C1QTNF3: variants seen among roughly 807,000 people sequenced by gnomAD.
The protein encoded by C1QTNF3 is C1q and TNF related 3, also known as complement C1q tumor necrosis factor-related protein 3.
In C1QTNF3, 26 loss-of-function variants were observed where a neutral mutation model predicts 32.6. The ratio of observed to expected loss-of-function variants is 0.80; its 90% confidence interval spans 0.58 to 1.11. C1QTNF3 has a LOEUF of 1.11. Ranked by LOEUF, C1QTNF3 falls within the 50% of genes least tolerant of loss-of-function variation. The pLI is 0.00. For synonymous variants in C1QTNF3, 155 were observed against 146.0 expected, an observed-to-expected ratio of 1.06 and a Z score of -0.44; for missense variants, 362 against 398.2, an observed-to-expected ratio of 0.91 and a Z score of 0.77.
chr5:34,063,797 ACC>A, the C1QTNF3 span, among the ~76,000 whole-genome samples: 1 of 152,126 alleles, frequency 6.6e-6, no homozygotes, highest in African/African-American at 2.4e-5. Flanking sequence ...GAAAATCTGA[ACC>A]ATTAGTACCT....
the C1QTNF3 span, among the ~76,000 whole-genome samples, chr5:34,176,555 T>C: frequency 1.3e-5 from 2 of 152,184 alleles, no homozygotes; most frequent in African/African-American, 4.8e-5. Context: ...TATCTGCTGA[T>C]ACAGTCTTAA....
the C1QTNF3 span, among the ~76,000 whole-genome samples, chr5:34,070,597 A>G: frequency 6.6e-6 from 1 of 152,152 alleles, no homozygotes; most frequent in Non-Finnish European, 1.5e-5. Context: ...AAAAAATTCT[A>G]TATTGTTAAA....
chr5:34,194,910 T>C, the C1QTNF3 span, among the ~76,000 whole-genome samples: 1 of 148,660 alleles, frequency 6.7e-6, no homozygotes, highest in Non-Finnish European at 1.5e-5. Flanking sequence ...TATTGTACTA[T>C]ATTGTGTAAG....
At chr5:34,064,665 G>T in the C1QTNF3 span, among the ~76,000 whole-genome samples, 1 of 152,272 alleles carries the variant, frequency 6.6e-6, no homozygotes, top group African/African-American at 2.4e-5. Context: ...TGGCAGATCT[G>T]GGACGGCGGC....
At chr5:34,087,444 G>A in the C1QTNF3 span, among the ~76,000 whole-genome samples, 2 of 152,030 alleles carry the variant, frequency 1.3e-5, no homozygotes, top group Admixed American at 6.6e-5. Context: ...ATCTAAGATT[G>A]TATGCTCACT....
At chr5:34,218,838 C>T in the C1QTNF3 span, among the ~76,000 whole-genome samples, 1 of 151,934 alleles carries the variant, frequency 6.6e-6, no homozygotes, top group African/African-American at 2.4e-5. Flanking sequence ...GTATACTATG[C>T]TTACATTAAG....
chr5:34,176,468 T>TA, the C1QTNF3 span, among the ~76,000 whole-genome samples: 8 of 151,074 alleles, frequency 5.3e-5, no homozygotes, highest in Admixed American at 1.3e-4. Context: ...AAAGGAGGTT[T>TA]AAAAAAAAAC....
chr5:34,174,843 C>T, the C1QTNF3 span, among the ~76,000 whole-genome samples: 1 of 151,936 alleles, frequency 6.6e-6, no homozygotes, highest in Non-Finnish European at 1.5e-5. Context: ...GGGTTCATGC[C>T]ATTTCCTGCC....
the C1QTNF3 span, among the ~76,000 whole-genome samples, chr5:34,146,093 C>T: frequency 1.1e-4 from 17 of 152,210 alleles, no homozygotes; most frequent in Admixed American, 7.8e-4. Context: ...TTAAGAACTG[C>T]AAGACAAAGG....
chr5:34,043,301 CA>C, upstream of C1QTNF3: 1 of 619,714 alleles, frequency 1.6e-6, no homozygotes, highest in Non-Finnish European at 2.8e-6. Context: ...CCCTCCTCCC[CA>C]GGCAGAACAG....
At chr5:34,100,406 T>C in the C1QTNF3 span, among the ~76,000 whole-genome samples, 1 of 151,134 alleles carries the variant, frequency 6.6e-6, no homozygotes, top group Non-Finnish European at 1.5e-5. Context: ...CTTTAGCAAA[T>C]GGCTTAAAAT....
the C1QTNF3 span, among the ~76,000 whole-genome samples, chr5:34,130,653 C>T: frequency 1.3e-5 from 2 of 152,194 alleles, no homozygotes; most frequent in Non-Finnish European, 2.9e-5. Context: ...TGTTCCTCTC[C>T]ACCAGTTCTG....
chr5:34,031,572 C>A (rs1204949934), intron 3 of C1QTNF3, among the ~76,000 whole-genome samples: 1 of 152,196 alleles, frequency 6.6e-6, no homozygotes, highest in Non-Finnish European at 1.5e-5. Flanking sequence ...GTGGCTCACA[C>A]CTGTAATCCC....
chr5:34,102,188 G>A, the C1QTNF3 span, among the ~76,000 whole-genome samples: 3 of 152,014 alleles, frequency 2.0e-5, no homozygotes, highest in Non-Finnish European at 4.4e-5. Flanking sequence ...CAAAGATAAC[G>A]AATATTACCT....
the C1QTNF3 span, among the ~76,000 whole-genome samples, chr5:34,235,011 A>G: frequency 4.6e-5 from 7 of 152,260 alleles, no homozygotes; most frequent in East Asian, 1.3e-3. Context: ...TTTCCTAGGT[A>G]TAATTCTAAA....
the C1QTNF3 span, among the ~76,000 whole-genome samples, chr5:34,171,556 C>T: frequency 3.3e-5 from 5 of 152,060 alleles, no homozygotes; most frequent in African/African-American, 9.7e-5. Context: ...ACATCTAAAA[C>T]CAATTCAGTC....
the C1QTNF3 span, among the ~76,000 whole-genome samples, chr5:34,214,133 T>C: frequency 6.6e-6 from 1 of 151,772 alleles, no homozygotes; most frequent in Non-Finnish European, 1.5e-5. Context: ...CTTATAGAAA[T>C]ATTTAACTTT....
chr5:34,210,089 G>C, the C1QTNF3 span, among the ~76,000 whole-genome samples: 1 of 152,084 alleles, frequency 6.6e-6, no homozygotes, highest in South Asian at 2.1e-4. Flanking sequence ...CAAATTGAAA[G>C]TCAATCTTTT....
At chr5:34,108,180 G>A in the C1QTNF3 span, among the ~76,000 whole-genome samples, 14 of 151,690 alleles carry the variant, frequency 9.2e-5, no homozygotes, top group Middle Eastern at 3.4e-3. Flanking sequence ...TTTTGTTATC[G>A]CTATATTATA....
Sources: allele counts gnomAD v4.1 joint callset (sites outside exome capture counted in the v4.1 genomes callset), GRCh38; gene constraint gnomAD v4.1.1; transcripts MANE v1.5; gene names NCBI Gene and HGNC (gene_info 2026-07-23, HGNC 2026-07-21).